The following CASK variants were observed in gnomAD, a reference collection of about 807,000 sequenced individuals.
CASK encodes calcium/calmodulin dependent serine protein kinase, also known as peripheral plasma membrane protein CASK.
CASK carries 4 observed loss-of-function variants against 82.9 expected under a neutral mutation model. That is an observed-to-expected ratio of 0.05 (90% confidence interval 0.02 to 0.11). The LOEUF (loss-of-function observed/expected upper bound fraction) is 0.11, where lower values mean the gene tolerates loss of function less well. Among genes scored for constraint, CASK ranks in the 10% least tolerant of loss-of-function variants. The pLI is 1.00. For missense variants in CASK, 358 were observed against 720.9 expected (o/e 0.50, Z 5.76); for synonymous variants, 259 against 253.5 (o/e 1.02, Z -0.20).
intron 7 of CASK, among the ~76,000 whole-genome samples, chrX:41,664,646 T>C (rs1024200526): frequency 8.9e-6 from 1 of 112,166 alleles, no homozygotes; most frequent in African/African-American, 3.2e-5. Context: ...ACTTTAAGCT[T>C]ACTTATTTCC....
Position 41,693,730 on chromosome X carries a change from A to G in CASK, c.430-22200T>C, listed in dbSNP as rs1456387696. ...TGTCTTCCTGCAGTTGAGACACATG[A>G]CAGACTAGACTCAGTCCTTCCCCGC... On this transcript the variant is annotated intron_variant, in intron 5 of 26. Transcript: ENST00000378163. Among the ~76,000 whole-genome samples the G allele has an allele frequency of 5.4e-5, 6 of 111,859 alleles. No individual in the cohort carries two copies. The East Asian group carries it at 1.1e-3, about 21-fold the overall frequency.
intron 2 of CASK, among the ~76,000 whole-genome samples, chrX:41,807,000 T>TA (rs1439742826): frequency 9.0e-6 from 1 of 111,213 alleles, no homozygotes; most frequent in Non-Finnish European, 1.9e-5. Context: ...TAAATCACAA[T>TA]AAAAAACCCC....
intron 5 of CASK, among the ~76,000 whole-genome samples, chrX:41,702,612 G>T (rs2067821148): frequency 9.1e-6 from 1 of 109,507 alleles, no homozygotes; most frequent in African/African-American, 3.3e-5. Flanking sequence ...TGGCCAACAT[G>T]GTGAAACCCC....
rs180866960 is a variant in CASK at position 41,843,630 on chromosome X, A to C, written c.172+9485T>G. 1.2e-3 allele frequency among the ~76,000 whole-genome samples: 129 copies of C among 111,752 alleles called. 1 individual carries two copies. The highest frequency in any genetic ancestry group is 3.8e-3 in the African/African-American group (118 of 30,845). On this transcript the variant is annotated intron_variant, in intron 2 of 26. Transcript: ENST00000378163. The stretch of plus-strand genomic sequence containing the variant: ...CAGTCATGCAACCATTACTGTGTTC[A>C]AATTTTGAACATTTAATCACTTCGA...
chrX:41,846,455 T>C (rs773432159), intron 2 of CASK, among the ~76,000 whole-genome samples: 1 of 86,789 alleles, frequency 1.2e-5, no homozygotes, highest in Non-Finnish European at 2.3e-5. Context: ...GGGGGGCTAG[T>C]AGGGGTTGGG....
intron 5 of CASK, among the ~76,000 whole-genome samples, chrX:41,677,419 A>G (rs1411481389): frequency 3.6e-5 from 4 of 111,966 alleles, no homozygotes; most frequent in African/African-American, 9.7e-5. Context: ...AAGCAGGAGG[A>G]AAATCAGTTT....
intron 6 of CASK, among the ~76,000 whole-genome samples, chrX:41,666,072 A>G (rs1423207151): frequency 8.9e-6 from 1 of 112,479 alleles, no homozygotes; most frequent in Non-Finnish European, 1.9e-5. Context: ...AATAGTTAGT[A>G]ATATTTTGTT....
At chrX:41,703,795 T>C (rs2067840541) in intron 5 of CASK, among the ~76,000 whole-genome samples, 1 of 112,468 alleles carries the variant, frequency 8.9e-6, no homozygotes, top group Non-Finnish European at 1.9e-5. Context: ...ATTTTACCAA[T>C]TTATATGCCC....
At chrX:41,615,808 G>A (rs923785681) in intron 11 of CASK, among the ~76,000 whole-genome samples, 1 of 109,775 alleles carries the variant, frequency 9.1e-6, no homozygotes, top group African/African-American at 3.3e-5. Context: ...TGTATTTTTA[G>A]TAGAGACGGG....
At chrX:41,882,737 C>T (rs778512722) in intron 1 of CASK, among the ~76,000 whole-genome samples, 3 of 111,270 alleles carry the variant, frequency 2.7e-5, no homozygotes, top group Non-Finnish European at 5.7e-5. Flanking sequence ...AAATGGCTGG[C>T]ACAATATATA....
At chrX:41,726,794 A>G (rs2068268195) in intron 5 of CASK, 1 of 269,354 alleles carries the variant, frequency 3.7e-6, no homozygotes, top group African/African-American at 2.7e-5. Context: ...ATCCATCACA[A>G]TAAGTAACTT....
intron 14 of CASK, chrX:41,584,476 T>C (rs1251607435): frequency 5.7e-5 from 1 of 17,688 alleles, no homozygotes; most frequent in Non-Finnish European, 1.0e-4. Context: ...GATGGCAGGG[T>C]GGGTGGGGGT....
chrX:41,722,751 T>C (rs1278287340), intron 5 of CASK, among the ~76,000 whole-genome samples: 1 of 112,314 alleles, frequency 8.9e-6, no homozygotes, highest in Non-Finnish European at 1.9e-5. Context: ...ATGGTATCAT[T>C]TACTGAGTTT....
Position 41,534,899 on chromosome X carries a change from A to G in CASK, c.2230T>C (p.Leu744=). Residue 744 remains leucine (L), a synonymous_variant, in exon 23 of 27, where the codon TTA becomes CTA. Transcript: ENST00000378163. ...LPAFKRKTLV[L]LGAHGVGRRH... ...CTTACACAATCAAACTTACCTAATAAGACTAGTGTTTTCCTCTTGAATGCT... is the reference window on the plus strand; with the variant it reads ...CTTACACAATCAAACTTACCTAATAGGACTAGTGTTTTCCTCTTGAATGCT... 2 of 1,189,427 alleles carry G rather than the reference A, an allele frequency of 1.7e-6. No homozygotes were observed. The highest frequency in any genetic ancestry group is 2.3e-6 in the Non-Finnish European group (2 of 875,178).
rs769974775 is a variant in CASK at position 41,565,765 on chromosome X, T to G, written c.1582+3903A>C. Reference sequence around the variant, plus strand: ...CCAACATCATCCTGATACCAAAGCCTGGCAGAGACACAACAAAAAAACAGA... The same window carrying G: ...CCAACATCATCCTGATACCAAAGCCGGGCAGAGACACAACAAAAAAACAGA... On this transcript the variant is annotated intron_variant, in intron 16 of 26. Transcript: ENST00000378163. Among the ~76,000 whole-genome samples the G allele has an allele frequency of 9.0e-5, 10 of 111,602 alleles. No homozygotes were observed. In the South Asian group the frequency reaches 3.8e-3, roughly 42 times the overall value.
intron 15 of CASK, among the ~76,000 whole-genome samples, chrX:41,570,029 T>TC (rs1442624511): frequency 1.0e-5 from 1 of 99,856 alleles, no homozygotes; most frequent in Non-Finnish European, 2.0e-5. Flanking sequence ...TTTTTTTTTT[T>TC]TGAGACTCTG....
In CASK at chrX:41,671,894, T is replaced by C. The variant is rs12556437; in HGVS notation, c.430-364A>G. Among the ~76,000 whole-genome samples, 1,090 of 111,624 alleles carry C rather than the reference T, an allele frequency of 9.8e-3. 30 individuals are homozygous for C. Among genetic ancestry groups the C allele is most frequent in the Admixed American group, 0.072 (761 of 10,504 alleles). ...CAGTCTAGATTTCTTTAGGAAAAAA[T>C]ATATTTTACACTTCCAAAATGTTTC... On this transcript the variant is annotated intron_variant, in intron 5 of 26. Transcript: ENST00000378163.
intron 2 of CASK, among the ~76,000 whole-genome samples, chrX:41,796,919 A>G (rs780816084): frequency 2.7e-5 from 3 of 111,890 alleles, no homozygotes; most frequent in East Asian, 5.6e-4. Context: ...TAGACTCATT[A>G]AAGTGTCATC....
At chrX:41,521,042 C>T (rs758208732) in intron 26 of CASK, among the ~76,000 whole-genome samples, 2 of 112,354 alleles carry the variant, frequency 1.8e-5, no homozygotes, top group African/African-American at 3.2e-5. Flanking sequence ...GAGCTCTTTG[C>T]CCCCGTCCCC....
Sources: gnomAD v4.1 joint callset for allele counts (sites outside exome capture counted in the v4.1 genomes callset) on GRCh38, gnomAD v4.1.1 for gene constraint, MANE v1.5 for transcripts, NCBI Gene and HGNC (gene_info 2026-07-23, HGNC 2026-07-21) for gene names.